The following TATDN3 variants were observed in gnomAD, a reference collection of about 807,000 sequenced individuals.
TATDN3 encodes the protein TatD DNase domain containing 3.
TATDN3 carries 29 observed loss-of-function variants against 40.1 expected under a neutral mutation model. The ratio of observed to expected loss-of-function variants is 0.72; its 90% CI spans 0.54 to 0.99. The LOEUF (loss-of-function observed/expected upper bound fraction) is 0.99, where lower values mean the gene tolerates loss of function less well. Ranked by LOEUF, TATDN3 falls within the 50% of genes least tolerant of loss-of-function variation. TATDN3 has a pLI of 0.00. For missense variants in TATDN3, 309 were observed against 321.9 expected (o/e 0.96, Z 0.31); for synonymous variants, 105 against 117.0 (o/e 0.90, Z 0.66).
Position 212,815,261 on chromosome 1 carries a change from G to A in TATDN3, c.*105G>A, listed in dbSNP as rs1663123882. On this transcript the variant is annotated 3_prime_UTR_variant, in exon 10 of 10. Coordinates refer to ENST00000366974, the MANE Select transcript of TATDN3 (RefSeq NM_001042552.3). ...TGAACTGAAGAAGCTGTTTTATAGGGTTATAGAAGATTGTAATTGTAGAGA... is the reference window on the plus strand; with the variant it reads ...TGAACTGAAGAAGCTGTTTTATAGGATTATAGAAGATTGTAATTGTAGAGA... The A allele has an allele frequency of 8.0e-7, 1 of 1,257,674 alleles. No individual in the cohort carries two copies. Among genetic ancestry groups the A allele is most frequent in the East Asian group, 2.6e-5 (1 of 38,678 alleles). The allele number at this position is 1,257,674 out of a possible 1,614,324, so 77.9% of individuals were successfully genotyped here.
chr1:212,815,213 T>TA lies in TATDN3; in HGVS notation c.*58dup. The TA allele has an allele frequency of 1.3e-6, 2 of 1,545,620 alleles. No individual in the cohort carries two copies. The highest frequency in any genetic ancestry group is 2.5e-5 in the South Asian group (2 of 80,298). On this transcript the variant is annotated 3_prime_UTR_variant, in exon 10 of 10. Coordinates refer to ENST00000366974, the MANE Select transcript of TATDN3 (RefSeq NM_001042552.3). ...ACTGCAGGGGGCAGCATTTGAAAAA[T>TA]AGAAATGTTCTGATGAAGAATCTGA...
At chr1:212,793,964 C>T (rs1661543769) in intron 1 of TATDN3, among the ~76,000 whole-genome samples, 1 of 152,044 alleles carries the variant, frequency 6.6e-6, no homozygotes, top group Non-Finnish European at 1.5e-5. Flanking sequence ...GTCATGGGCT[C>T]AGGAGAGAAT....
At chr1:212,796,015 C>T (rs532928285) in intron 2 of TATDN3, among the ~76,000 whole-genome samples, 1 of 152,246 alleles carries the variant, frequency 6.6e-6, no homozygotes, top group Non-Finnish European at 1.5e-5. Flanking sequence ...TCATGTGGTT[C>T]TGGAGATCTG....
Position 212,796,565 on chromosome 1 carries a change from GA to G in TATDN3, c.152del (p.Lys51ArgfsTer35). 6.4e-7 allele frequency: 1 copy of G among 1,556,592 alleles called. No individual in the cohort carries two copies. Among genetic ancestry groups the G allele is most frequent in the Non-Finnish European group, 8.7e-7 (1 of 1,154,434 alleles). ...VAVAEHSGEF[E>X]KIMQLSERYN... ...AGTTGCCGAACATTCAGGAGAATTT[GA>G]AAAGATTATGCAACTTTCAGAAAGG... On this transcript the variant is annotated frameshift_variant, in exon 3 of 10. Transcript: ENST00000366974. LOFTEE classifies it high-confidence loss of function.
chr1:212,807,763 T>G lies in TATDN3; in HGVS notation c.515T>G (p.Phe172Cys), dbSNP rs185603499. 6.2e-7 allele frequency: 1 copy of G among 1,613,642 alleles called. No homozygotes were observed. The highest frequency in any genetic ancestry group is 1.1e-5 in the South Asian group (1 of 90,954). Residue 172 changes from phenylalanine (F) to cysteine (C), a missense_variant, in exon 8 of 10, where the codon TTT (phenylalanine) becomes TGT (cysteine). Coordinates refer to ENST00000366974, the MANE Select transcript of TATDN3 (RefSeq NM_001042552.3). ...QGAEKVLLHA[F>C]DGRPSVAMEG... ...GCTGAGAAGGTACTGCTGCATGCAT[T>G]TGATGGTCGGCCATCTGTAGCCATG...
chr1:212,802,051 T>C (rs530313618), intron 4 of TATDN3, among the ~76,000 whole-genome samples: 1 of 152,338 alleles, frequency 6.6e-6, no homozygotes, highest in South Asian at 2.1e-4. Context: ...GAAGCAATTT[T>C]CCATATATTT....
In TATDN3 at chr1:212,791,942, C is replaced by G. The variant is rs61736926; in HGVS notation, c.21C>G (p.Gly7=). The G allele has an allele frequency of 0.17, 273,108 of 1,613,208 alleles. 25,474 individuals carry two copies. The highest frequency in any genetic ancestry group is 0.38 in the African/African-American group (28,285 of 74,958). Residue 7 remains glycine (G), a synonymous_variant, in exon 1 of 10, where the codon GGC becomes GGG. Transcript: ENST00000366974. The stretch of plus-strand genomic sequence containing the variant: ...GCGCAATGCGAGCGGCTGGCGTAGG[C>G]TTGGTGGACTGTCACTGCCACCTCT... The part of the protein sequence containing the change: MRAAGV[G]LVDCHCHLSA...
In TATDN3 at chr1:212,797,377, C is replaced by T. The variant is rs575335557; in HGVS notation, c.258+181C>T. The T allele has an allele frequency of 5.3e-5, 30 of 565,098 alleles. 1 individual carries two copies. In the South Asian group the frequency reaches 6.8e-4, roughly 13 times the overall value. The allele number at this position is 565,098 out of a possible 1,614,324, so 35.0% of individuals were successfully genotyped here. A position where few individuals can be genotyped will look rare whatever the true frequency, so the allele number is the denominator to read the frequency against. ...CGTAATAGAGAAAAAGTAGAAACAGCCTAGAGGTTCAGAAACAAAGGAATC... is the reference window on the plus strand; with the variant it reads ...CGTAATAGAGAAAAAGTAGAAACAGTCTAGAGGTTCAGAAACAAAGGAATC... On this transcript the variant is annotated intron_variant, in intron 4 of 9. Transcript: ENST00000366974.
chr1:212,801,854 C>T (rs1360370365), intron 4 of TATDN3, among the ~76,000 whole-genome samples: 1 of 152,146 alleles, frequency 6.6e-6, no homozygotes, highest in East Asian at 1.9e-4. Context: ...TATTTCAAGG[C>T]CTTAACTTAC....
intron 4 of TATDN3, among the ~76,000 whole-genome samples, chr1:212,798,536 C>CAAAAAAAACA (rs1661959980): frequency 1.1e-5 from 1 of 91,320 alleles, no homozygotes; most frequent in Non-Finnish European, 2.1e-5. Flanking sequence ...CTCAAAAACT[C>CAAAAAAAACA]AAAAAAAAAA....
intron 9 of TATDN3, among the ~76,000 whole-genome samples, chr1:212,813,572 T>G (rs1385543769): frequency 6.6e-6 from 1 of 150,588 alleles, no homozygotes; most frequent in Non-Finnish European, 1.5e-5. Flanking sequence ...TTTTCTTTTT[T>G]TTTTTTTTTT....
chr1:212,806,332 T>G (rs1222214160), intron 7 of TATDN3, among the ~76,000 whole-genome samples: 1 of 151,962 alleles, frequency 6.6e-6, no homozygotes, highest in Non-Finnish European at 1.5e-5. Context: ...TGCAGAAAAT[T>G]TATATTTGTC....
rs1394348508 is a variant in TATDN3, at chr1:212,816,267, T to G, written c.*1111T>G. ...GCTGAGATGGGAGACCTTTTAAGCC[T>G]GAGTTTGAGTCAGGCCTGGGCAACA... On this transcript the variant is annotated 3_prime_UTR_variant, in exon 10 of 10. Transcript: ENST00000366974. 1 of 152,178 alleles carries G rather than the reference T, an allele frequency of 6.6e-6. No individual in the cohort carries two copies. The highest frequency in any genetic ancestry group is 2.4e-5 in the African/African-American group (1 of 41,448). The allele number at this position is 152,178 out of a possible 1,614,324, so 9.4% of individuals were successfully genotyped here. A position where few individuals can be genotyped will look rare whatever the true frequency, so the allele number is the denominator to read the frequency against.
At chr1:212,794,481 C>T (rs896473377) in intron 1 of TATDN3, among the ~76,000 whole-genome samples, 3 of 152,092 alleles carry the variant, frequency 2.0e-5, no homozygotes, top group Non-Finnish European at 4.4e-5. Context: ...ATCCCAGCTA[C>T]TCTGGAGGCT....
intron 8 of TATDN3, among the ~76,000 whole-genome samples, chr1:212,810,439 G>A (rs2102478834): frequency 6.7e-6 from 1 of 150,004 alleles, no homozygotes; most frequent in East Asian, 2.0e-4. Context: ...GTGAACCCGG[G>A]AGGCGGAGCT....
chr1:212,806,914 A>ATATATACATATGTATATACACG (rs1558084191), intron 7 of TATDN3, among the ~76,000 whole-genome samples: 1 of 143,188 alleles, frequency 7.0e-6, no homozygotes, highest in Non-Finnish European at 1.5e-5. Context: ...GTATATACAC[A>ATATATACATATGTATATACACG]TATATACATA....
intron 4 of TATDN3, among the ~76,000 whole-genome samples, chr1:212,801,778 T>C (rs1268261220): frequency 6.6e-6 from 1 of 152,238 alleles, no homozygotes; most frequent in Non-Finnish European, 1.5e-5. Context: ...ACAATGTTAA[T>C]TCTTCTTCCA....
intron 7 of TATDN3, among the ~76,000 whole-genome samples, chr1:212,806,627 C>T (rs1388356777): frequency 6.7e-6 from 1 of 150,068 alleles, no homozygotes; most frequent in Admixed American, 6.7e-5. Flanking sequence ...GAGATCCTCC[C>T]ATCTCAGCAT....
rs753487057 is a variant in TATDN3, at chr1:212,815,115, T to G, written c.784T>G (p.Leu262Val). The G allele has an allele frequency of 3.7e-6, 6 of 1,613,710 alleles. No homozygotes were observed. Among genetic ancestry groups the G allele is most frequent in the Non-Finnish European group, 5.1e-6 (6 of 1,179,934 alleles). ...TATAGAAGTGACGACACAGAATGCATTAAAACTGTTTCCTAAGCTCCGACA... is the reference window on the plus strand; with the variant it reads ...TATAGAAGTGACGACACAGAATGCAGTAAAACTGTTTCCTAAGCTCCGACA... ...EVIEVTTQNA[L>V]KLFPKLRHLL... The change falls in exon 10 of 10, where the codon TTA (leucine) becomes GTA (valine). Residue 262 changes from leucine to valine, a missense_variant. Leu to Val is a conservative substitution (Grantham distance 32). Coordinates refer to ENST00000366974, the MANE Select transcript of TATDN3 (RefSeq NM_001042552.3).
Sources: gnomAD v4.1 joint callset for allele counts (sites outside exome capture counted in the v4.1 genomes callset) on GRCh38, gnomAD v4.1.1 for gene constraint, MANE v1.5 for transcripts, NCBI Gene and HGNC (gene_info 2026-07-23, HGNC 2026-07-21) for gene names.